Variants in CTDSPL observed in about 807,000 individuals in gnomAD.
The protein encoded by CTDSPL is CTD small phosphatase like, also known as CTD small phosphatase-like protein.
Under a neutral mutation model 30.5 loss-of-function variants are expected in CTDSPL, and 8 were observed. The ratio of observed to expected loss-of-function variants is 0.26; its 90% CI spans 0.15 to 0.47. The LOEUF (loss-of-function observed/expected upper bound fraction) is 0.47. Ranked by LOEUF, CTDSPL falls within the 20% of genes least tolerant of loss-of-function variation. The pLI, the probability that CTDSPL is intolerant of heterozygous loss-of-function variation, is 0.99. For synonymous variants in CTDSPL, 110 were observed against 137.9 expected, an observed-to-expected ratio of 0.80 and a Z score of 1.42; for missense variants, 248 against 366.1, an observed-to-expected ratio of 0.68 and a Z score of 2.63.
At chr3:37,881,529 A>C (rs1238451965) in intron 1 of CTDSPL, among the ~76,000 whole-genome samples, 1 of 152,216 alleles carries the variant, frequency 6.6e-6, no homozygotes, top group Non-Finnish European at 1.5e-5. Flanking sequence ...ACTCCGTCTC[A>C]AAAAAATAAA....
intron 1 of CTDSPL, among the ~76,000 whole-genome samples, chr3:37,895,342 G>A (rs1242657077): frequency 6.6e-6 from 1 of 152,164 alleles, no homozygotes; most frequent in Non-Finnish European, 1.5e-5. Context: ...CTTAGCGTCT[G>A]CCCCATGCAT....
chr3:37,868,826 A>G (rs185400460), intron 1 of CTDSPL, among the ~76,000 whole-genome samples: 1 of 152,234 alleles, frequency 6.6e-6, no homozygotes, highest in East Asian at 1.9e-4. Flanking sequence ...ATAAGTCATG[A>G]TATAGAGTAG....
chr3:37,953,165 T>C (rs1359610262), intron 2 of CTDSPL, among the ~76,000 whole-genome samples: 1 of 152,262 alleles, frequency 6.6e-6, no homozygotes, highest in Non-Finnish European at 1.5e-5. Context: ...GTGTATTTTA[T>C]ACTTACAGCA....
At chr3:37,960,533 T>TACACACAC (rs1168321790) in intron 3 of CTDSPL, among the ~76,000 whole-genome samples, 45 of 33,564 alleles carry the variant, frequency 1.3e-3, no homozygotes, top group Non-Finnish European at 1.8e-3. Context: ...TATATATATA[T>TACACACAC]ATACACACAC....
rs140015391 is a variant in CTDSPL at position 37,956,234 on chromosome 3, G to A, written c.235-877G>A. Among the ~76,000 whole-genome samples, 586 of 152,254 alleles carry A rather than the reference G, an allele frequency of 3.8e-3. 2 individuals are homozygous for A. Among genetic ancestry groups the A allele is most frequent in the Non-Finnish European group, 7.0e-3 (474 of 68,010 alleles). ...AAAGGTGCCAGGCAGCTGCCATTGC[G>A]AGCCATCAGGTTTGGCCCCTTCACG... On this transcript the variant is annotated intron_variant, in intron 2 of 7. Coordinates refer to ENST00000273179, the MANE Select transcript of CTDSPL (RefSeq NM_001008392.2).
chr3:37,952,168 T>A (rs1242398805), intron 2 of CTDSPL, among the ~76,000 whole-genome samples: 1 of 150,502 alleles, frequency 6.6e-6, no homozygotes, highest in African/African-American at 2.4e-5. Flanking sequence ...TAGAGCAAGA[T>A]CCTGTCTTGA....
intron 1 of CTDSPL, among the ~76,000 whole-genome samples, chr3:37,941,319 A>G (rs13068975): frequency 0.18 from 27,145 of 149,646 alleles, 4,403 homozygotes; most frequent in African/African-American, 0.36. Context: ...ATCTACCTCT[A>G]TCAAGGATTT....
chr3:37,963,411 A>G (rs1699264646), intron 3 of CTDSPL, among the ~76,000 whole-genome samples: 1 of 152,230 alleles, frequency 6.6e-6, no homozygotes. Flanking sequence ...AAAAATAAAA[A>G]GAGGAAAGAG....
At chr3:37,928,381 G>C (rs749882322) in intron 1 of CTDSPL, among the ~76,000 whole-genome samples, 19 of 152,146 alleles carry the variant, frequency 1.2e-4, no homozygotes, top group Non-Finnish European at 2.6e-4. Context: ...CCACATCCTA[G>C]GCAAAACTTA....
chr3:37,901,836 T>G (rs1224790537), intron 1 of CTDSPL, among the ~76,000 whole-genome samples: 1 of 152,130 alleles, frequency 6.6e-6, no homozygotes, highest in Non-Finnish European at 1.5e-5. Flanking sequence ...ACAAGTAGCT[T>G]AAATATGTAG....
rs778417960 is a variant in CTDSPL, at chr3:37,975,781, G to A, written c.592G>A (p.Val198Ile). ...GGCCCGGCTCTTCAGAGAATCATGT[G>A]TTTTTCATCGTGGGAACTACGTGAA... is the stretch of plus-strand genomic sequence containing the variant. The part of the protein sequence containing the change: ...FRARLFRESC[V>I]FHRGNYVKDL... The change falls in exon 7 of 8, where the codon GTT (valine) becomes ATT (isoleucine). Residue 198 changes from valine to isoleucine, a missense_variant. Val to Ile is a conservative substitution (Grantham distance 29). Transcript: ENST00000273179. The surrounding 1 kb of genome is among the most constrained non-coding windows in gnomAD (Gnocchi z 4.9). 6.2e-7 allele frequency: 1 copy of A among 1,614,124 alleles called. No individual in the cohort carries two copies. The highest frequency in any genetic ancestry group is 1.1e-5 in the South Asian group (1 of 91,068).
rs751687840 is a variant in CTDSPL, at chr3:37,967,837, T to G, written c.381T>G (p.Asn127Lys). 6.3e-7 allele frequency: 1 copy of G among 1,598,252 alleles called. No homozygotes were observed. The change falls in exon 5 of 8, where the codon AAT (asparagine) becomes AAG (lysine). Residue 127 changes from asparagine (N) to lysine (K), a missense_variant. This residue lies in a region of CTDSPL where 45 missense variants were observed against 83.1 expected (regional missense o/e 0.54). Coordinates refer to ENST00000273179, the MANE Select transcript of CTDSPL (RefSeq NM_001008392.2). ...TCTTTTTTCTCTAGCCTATTAGTAA[T>G]GCTGATTTTATTGTTCCGGTTGAAA... Reference protein sequence around the residue: ...LVHSSFKPISNADFIVPVEID... With the variant: ...LVHSSFKPISKADFIVPVEID...
chr3:37,942,854 A>C (rs1361088155), intron 1 of CTDSPL, among the ~76,000 whole-genome samples: 1 of 150,162 alleles, frequency 6.7e-6, no homozygotes, highest in Non-Finnish European at 1.5e-5. Flanking sequence ...TTGGCATTGG[A>C]GCCCACATTC....
In CTDSPL at chr3:37,958,859, G is replaced by A. The variant is rs530474745; in HGVS notation, c.267+1716G>A. Among the ~76,000 whole-genome samples the A allele has an allele frequency of 6.6e-4, 101 of 152,344 alleles. No homozygotes were observed. In the South Asian group the frequency reaches 8.1e-3, roughly 12 times the overall value. On this transcript the variant is annotated intron_variant, in intron 3 of 7. Transcript: ENST00000273179. ...AAGCATTTCCACTAGTGAGCACAGTGTGATTTCCACTGACTGCTTAGCATA... is the reference window on the plus strand; with the variant it reads ...AAGCATTTCCACTAGTGAGCACAGTATGATTTCCACTGACTGCTTAGCATA...
At chr3:37,913,140 G>A (rs540669222) in intron 1 of CTDSPL, among the ~76,000 whole-genome samples, 1 of 152,160 alleles carries the variant, frequency 6.6e-6, no homozygotes, top group African/African-American at 2.4e-5. Context: ...GGGCAACATG[G>A]CAAAACCCCA....
intron 1 of CTDSPL, among the ~76,000 whole-genome samples, chr3:37,876,457 G>A (rs925643034): frequency 2.0e-5 from 3 of 152,138 alleles, no homozygotes; most frequent in Non-Finnish European, 4.4e-5. Flanking sequence ...TCTAGTTGAT[G>A]TGCATCCTTG....
intron 1 of CTDSPL, among the ~76,000 whole-genome samples, chr3:37,938,523 T>C (rs571048271): frequency 6.7e-6 from 1 of 150,232 alleles, no homozygotes; most frequent in African/African-American, 2.4e-5. Context: ...ATGAGCTGGA[T>C]GTGGACCCAG....
At chr3:37,915,851 A>G (rs1698639353) in intron 1 of CTDSPL, among the ~76,000 whole-genome samples, 1 of 152,234 alleles carries the variant, frequency 6.6e-6, no homozygotes, top group Admixed American at 6.5e-5. Flanking sequence ...AGTGTCAGAC[A>G]TAATAGGTGA....
chr3:37,872,096 A>G, intron 1 of CTDSPL, among the ~76,000 whole-genome samples: 1 of 152,006 alleles, frequency 6.6e-6, no homozygotes, highest in East Asian at 1.9e-4. Context: ...GACTCAAGTG[A>G]TCCTCCCATC....
Sources: gnomAD v4.1 joint callset for allele counts (sites outside exome capture counted in the v4.1 genomes callset) on GRCh38, gnomAD v4.1.1 for gene constraint, gnomAD v4.1.1 regional missense constraint, Gnocchi (gnomAD v3.1) non-coding constraint, MANE v1.5 for transcripts, NCBI Gene and HGNC (gene_info 2026-07-23, HGNC 2026-07-21) for gene names.